Variants in PCDH7 observed in about 807,000 individuals in gnomAD.
The protein encoded by PCDH7 is protocadherin 7.
A neutral mutation model predicts 58.9 loss-of-function variants in PCDH7; 17 were observed. The ratio of observed to expected loss-of-function variants is 0.29; its 90% CI spans 0.20 to 0.43. The LOEUF (loss-of-function observed/expected upper bound fraction) is 0.43, where lower values mean the gene tolerates loss of function less well. PCDH7 is among the 20% of genes least tolerant of loss of function. The pLI, the probability that PCDH7 is intolerant of heterozygous loss-of-function variation, is 1.00. For missense variants in PCDH7, 1,274 were observed against 1,441.0 expected (o/e 0.88, Z 1.88); for synonymous variants, 664 against 616.4 (o/e 1.08, Z -1.14).
intron 1 of PCDH7, among the ~76,000 whole-genome samples, chr4:30,911,768 T>C (rs1346043392): frequency 6.6e-6 from 1 of 152,196 alleles, no homozygotes; most frequent in Non-Finnish European, 1.5e-5. Context: ...TTGAAATTCA[T>C]TATTTTCTTC....
At chr4:30,911,518 G>T (rs4692486) in intron 1 of PCDH7, among the ~76,000 whole-genome samples, 29,686 of 151,914 alleles carry the variant, frequency 0.2, 3,633 homozygotes, top group East Asian at 0.29. Flanking sequence ...TTAAAATAAC[G>T]CAGCAATAAA....
intron 1 of PCDH7, among the ~76,000 whole-genome samples, chr4:30,913,534 T>C (rs2109407601): frequency 6.6e-6 from 1 of 152,214 alleles, no homozygotes; most frequent in Admixed American, 6.5e-5. Context: ...AAGGTACAGT[T>C]TTTGAGAGCT....
chr4:31,012,267 C>T (rs1227032447), intron 3 of PCDH7, among the ~76,000 whole-genome samples: 1 of 152,058 alleles, frequency 6.6e-6, no homozygotes, highest in African/African-American at 2.4e-5. Context: ...AACAAAAAGA[C>T]AAACTTCCTT....
intron 1 of PCDH7, among the ~76,000 whole-genome samples, chr4:30,915,096 C>G (rs537634668): frequency 3.5e-4 from 54 of 152,220 alleles, no homozygotes; most frequent in African/African-American, 1.3e-3. Flanking sequence ...GTTGAGCACC[C>G]CTTTTTGCTT....
chr4:31,039,457 C>A (rs1755671694), intron 3 of PCDH7, among the ~76,000 whole-genome samples: 1 of 152,168 alleles, frequency 6.6e-6, no homozygotes, highest in Non-Finnish European at 1.5e-5. Context: ...TGTTCACAGG[C>A]ATGACTGTGG....
chr4:30,983,138 C>T (rs773384787), intron 3 of PCDH7, among the ~76,000 whole-genome samples: 1 of 152,130 alleles, frequency 6.6e-6, no homozygotes, highest in Admixed American at 6.5e-5. Flanking sequence ...CTGCTTCCAC[C>T]TAAGACCATG....
In PCDH7 at chr4:31,077,738, C is replaced by T. The variant is rs150902336; in HGVS notation, c.*8-64735C>T. ...TACAATGGAATTGATAAGGAAAGCA[C>T]ATTTTATATGACAAGATGACTTAAA... On this transcript the variant is annotated intron_variant, in intron 3 of 3. Transcript: ENST00000509759. Among the ~76,000 whole-genome samples, 42 of 152,222 alleles carry T rather than the reference C, an allele frequency of 2.8e-4. No homozygotes were observed. The South Asian group carries it at 5.2e-3, about 19-fold the overall frequency.
intron 2 of PCDH7, among the ~76,000 whole-genome samples, chr4:30,927,536 C>T (rs1156997095): frequency 8.6e-5 from 13 of 151,926 alleles, no homozygotes; most frequent in African/African-American, 2.4e-4. Context: ...GCCTTGGGAT[C>T]CTGTTGATCT....
At chr4:30,954,523 T>C (rs1283723255) in intron 3 of PCDH7, among the ~76,000 whole-genome samples, 1 of 152,148 alleles carries the variant, frequency 6.6e-6, no homozygotes, top group African/African-American at 2.4e-5. Context: ...TATTAGATTA[T>C]CTATAAGATT....
chr4:30,748,064 A>T (rs1418957454), intron 1 of PCDH7, among the ~76,000 whole-genome samples: 1 of 152,260 alleles, frequency 6.6e-6, no homozygotes, highest in African/African-American at 2.4e-5. Flanking sequence ...TGAAAGGTTT[A>T]TTCTCATATA....
chr4:30,998,871 A>G (rs1249934140), intron 3 of PCDH7, among the ~76,000 whole-genome samples: 2 of 152,158 alleles, frequency 1.3e-5, no homozygotes, highest in Admixed American at 6.6e-5. Flanking sequence ...TTTTGAAAAT[A>G]TGCAATTGGA....
intron 1 of PCDH7, among the ~76,000 whole-genome samples, chr4:30,805,189 T>A (rs1415295119): frequency 6.6e-6 from 1 of 152,154 alleles, no homozygotes; most frequent in Non-Finnish European, 1.5e-5. Context: ...GCCCCCAGGA[T>A]TTTGTTTTTA....
At chr4:30,924,242 A>C (rs1259100182) in intron 2 of PCDH7, among the ~76,000 whole-genome samples, 2 of 152,194 alleles carry the variant, frequency 1.3e-5, no homozygotes, top group Admixed American at 6.5e-5. Flanking sequence ...AGTGTTTAAT[A>C]AGCTCAGATA....
chr4:30,981,291 C>A (rs373746935), intron 3 of PCDH7, among the ~76,000 whole-genome samples: 2 of 152,072 alleles, frequency 1.3e-5, no homozygotes, highest in Non-Finnish European at 2.9e-5. Flanking sequence ...GTGATCTATG[C>A]GTGAGGCATT....
intron 1 of PCDH7, among the ~76,000 whole-genome samples, chr4:30,861,807 C>G (rs1734234868): frequency 6.6e-6 from 1 of 152,038 alleles, no homozygotes; most frequent in Admixed American, 6.6e-5. Context: ...GGTATAAAAT[C>G]ATATTTTGGT....
chr4:30,771,957 G>T (rs1027653874), intron 1 of PCDH7, among the ~76,000 whole-genome samples: 2 of 150,360 alleles, frequency 1.3e-5, no homozygotes, highest in African/African-American at 4.9e-5. Context: ...TGGAACCTTC[G>T]CCTCCAGGGT....
chr4:31,137,950 T>C (rs935770507), intron 3 of PCDH7, among the ~76,000 whole-genome samples: 3 of 152,106 alleles, frequency 2.0e-5, no homozygotes, highest in Non-Finnish European at 4.4e-5. Flanking sequence ...GTAGAGTGAG[T>C]GTCTGGGATT....
rs193176063 is a variant in PCDH7 at position 31,082,884 on chromosome 4, G to A, written c.*8-59589G>A. On this transcript the variant is annotated intron_variant, in intron 3 of 3. Transcript: ENST00000509759. ...TGGGAGGCCAAGGGCCAAGGTGGGC[G>A]GATCACGAGGTCAGGAGATCGAGAC... is the stretch of plus-strand genomic sequence containing the variant. Among the ~76,000 whole-genome samples, 285 of 152,134 alleles carry A rather than the reference G, an allele frequency of 1.9e-3. 2 individuals are homozygous for A. In the East Asian group the frequency reaches 0.032, roughly 17 times the overall value.
chr4:30,859,584 C>T lies in PCDH7; in HGVS notation c.71-60569C>T, dbSNP rs541659032. On this transcript the variant is annotated intron_variant, in intron 1 of 3. Coordinates refer to the PCDH7 transcript ENST00000509759. ...CCTCCCGAGTAGCTGGGATTACAGG[C>T]GCCCACCACAACGCCCAGCTAATTT... Among the ~76,000 whole-genome samples, 6 of 151,914 alleles carry T rather than the reference C, an allele frequency of 3.9e-5. No homozygotes were observed. The South Asian group carries it at 1.0e-3, about 26-fold the overall frequency.
Sources: gnomAD v4.1 joint callset for allele counts (sites outside exome capture counted in the v4.1 genomes callset) on GRCh38, gnomAD v4.1.1 for gene constraint, MANE v1.5 for transcripts, NCBI Gene and HGNC (gene_info 2026-07-23, HGNC 2026-07-21) for gene names.